Variants in WDR53 observed in about 807,000 individuals in gnomAD.
WDR53 encodes WD repeat domain 53.
In WDR53, 19 loss-of-function variants were observed where a neutral mutation model predicts 21.3. That is an observed-to-expected ratio of 0.89 (90% CI 0.62 to 1.31). The LOEUF (loss-of-function observed/expected upper bound fraction) is 1.31. Among genes scored for constraint, WDR53 ranks in the 50% most tolerant of loss-of-function variants. WDR53 has a pLI of 0.00. For missense variants in WDR53, 374 were observed against 423.2 expected, an observed-to-expected ratio of 0.88 and a Z score of 1.02; for synonymous variants, 157 against 163.4, an observed-to-expected ratio of 0.96 and a Z score of 0.30.
At chr3:196,561,868 A>C (rs1046453438) in intron 2 of WDR53, among the ~76,000 whole-genome samples, 7 of 152,208 alleles carry the variant, frequency 4.6e-5, no homozygotes, top group African/African-American at 1.7e-4. Flanking sequence ...ATAATGTTTT[A>C]GATGGTGAGC....
chr3:196,565,489 T>A (rs2108709164), intron 2 of WDR53, among the ~76,000 whole-genome samples: 1 of 141,240 alleles, frequency 7.1e-6, no homozygotes, highest in Admixed American at 7.7e-5. Flanking sequence ...GGCTTGAACC[T>A]GGGAGGTGGA....
Position 196,567,082 on chromosome 3 carries a change from G to C in WDR53, c.-222C>G. ...CATACCACCACCGTCCCGTTCAAGAGTCTGTGCCTCTAAGGCTGTTCATTC... is the reference window on the plus strand; with the variant it reads ...CATACCACCACCGTCCCGTTCAAGACTCTGTGCCTCTAAGGCTGTTCATTC... On this transcript the variant is annotated 5_prime_UTR_variant, in exon 2 of 4. Transcript: ENST00000332629. 2.2e-6 allele frequency: 1 copy of C among 452,680 alleles called. No homozygotes were observed. The highest frequency in any genetic ancestry group is 4.4e-6 in the Non-Finnish European group (1 of 224,830). 28.0% of individuals were successfully genotyped at this position (452,680 alleles called of 1,614,324 possible).
rs935688698 is a variant in WDR53 at position 196,560,868 on chromosome 3, T to C, written c.480+128A>G. On this transcript the variant is annotated intron_variant, in intron 3 of 3. Coordinates refer to ENST00000332629, the MANE Select transcript of WDR53 (RefSeq NM_182627.3). ...CTAGCATTAAATGTAGAAATAAGGCTTATTGTTCATAAATGGATATGTTAG... is the reference window on the plus strand; with the variant it reads ...CTAGCATTAAATGTAGAAATAAGGCCTATTGTTCATAAATGGATATGTTAG... The C allele has an allele frequency of 9.3e-6, 11 of 1,177,412 alleles. No individual in the cohort carries two copies. In the African/African-American group the frequency reaches 1.7e-4, roughly 18 times the overall value. 72.9% of individuals were successfully genotyped at this position (1,177,412 alleles called of 1,614,324 possible).
chr3:196,563,125 T>C (rs1303838863), intron 2 of WDR53, among the ~76,000 whole-genome samples: 1 of 152,230 alleles, frequency 6.6e-6, no homozygotes, highest in Non-Finnish European at 1.5e-5. Context: ...TTATTATTCT[T>C]TGAAGAAACA....
rs1468466876 is a variant in WDR53 at position 196,554,283 on chromosome 3, T to C, written c.1005A>G (p.Ile335Met). The change falls in exon 4 of 4, where the codon ATA becomes ATG. Residue 335 changes from isoleucine (I) to methionine (M), a missense_variant. By Grantham distance (10) the Ile-to-Met change is conservative. Transcript: ENST00000332629. ...CTACTAATATATTTTGGTGTCCCTTTATTTTTGTACCCAAGAGCCAGTTCA... is the reference window on the plus strand; with the variant it reads ...CTACTAATATATTTTGGTGTCCCTTCATTTTTGTACCCAAGAGCCAGTTCA... The part of the protein sequence containing the change: ...EKVNWLLGTK[I>M]KGHQNILVAD... 5.6e-6 allele frequency: 9 copies of C among 1,614,066 alleles called. No homozygotes were observed. The highest frequency in any genetic ancestry group is 1.3e-5 in the African/African-American group (1 of 74,928).
intron 3 of WDR53, among the ~76,000 whole-genome samples, chr3:196,557,418 T>G (rs541180735): frequency 6.6e-6 from 1 of 152,250 alleles, no homozygotes; most frequent in East Asian, 1.9e-4. Flanking sequence ...TGTCGGCTTG[T>G]GCCTGTAGTC....
chr3:196,567,751 T>TTGTGTGTGTGTGTGTGTGTGTGTG (rs3080583), intron 1 of WDR53, among the ~76,000 whole-genome samples: 54 of 143,668 alleles, frequency 3.8e-4, no homozygotes, highest in African/African-American at 1.3e-3. Context: ...GCTGAAATTC[T>TTGTGTGTGTGTGTGTGTGTGTGTG]TGTGTGTGTG....
chr3:196,558,786 A>AATT (rs1734564015), intron 3 of WDR53, among the ~76,000 whole-genome samples: 1 of 152,216 alleles, frequency 6.6e-6, no homozygotes, highest in African/African-American at 2.4e-5. Flanking sequence ...CAACTGTGGA[A>AATT]ATAATTATAG....
intron 2 of WDR53, among the ~76,000 whole-genome samples, chr3:196,566,666 G>C (rs565115889): frequency 2.0e-5 from 3 of 152,028 alleles, no homozygotes; most frequent in Non-Finnish European, 2.9e-5. Flanking sequence ...CGCCCGCTTC[G>C]GCCTCCCAAA....
chr3:196,567,011 G>A lies in WDR53; in HGVS notation c.-151C>T, dbSNP rs2108714961. ...CTCGGCTGCACTGAGACACGATAAA[G>A]GCCAGTCTTTAAAAACTGAGTGATC... On this transcript the variant is annotated 5_prime_UTR_variant, in exon 2 of 4. Coordinates refer to ENST00000332629, the MANE Select transcript of WDR53 (RefSeq NM_182627.3). The A allele has an allele frequency of 5.9e-6, 2 of 339,270 alleles. No homozygotes were observed. Among genetic ancestry groups the A allele is most frequent in the South Asian group, 4.5e-5 (2 of 44,014 alleles). The allele number at this position is 339,270 out of a possible 1,614,324, so 21.0% of individuals were successfully genotyped here. A position where few individuals can be genotyped will look rare whatever the true frequency, so the allele number is the denominator to read the frequency against.
rs374949193 is a variant in WDR53 at position 196,560,944 on chromosome 3, G to A, written c.480+52C>T. ...TTCGTGTGATCAATAATTTGATCCT[G>A]TTAGCAAATCCCACTTAGAAATTCC... On this transcript the variant is annotated intron_variant, in intron 3 of 3. Coordinates refer to ENST00000332629, the MANE Select transcript of WDR53 (RefSeq NM_182627.3). 5.0e-5 allele frequency: 78 copies of A among 1,549,292 alleles called. No individual in the cohort carries two copies. In the Middle Eastern group the frequency reaches 1.7e-3, roughly 35 times the overall value.
intron 3 of WDR53, 106 bp from the exon 4 acceptor site, chr3:196,554,913 A>T: frequency 1.1e-6 from 1 of 882,436 alleles, no homozygotes; most frequent in Non-Finnish European, 1.8e-6. Context: ...TCTGAGAATG[A>T]GCAGTAGTGC....
chr3:196,562,629 C>T (rs1734994345), intron 2 of WDR53, among the ~76,000 whole-genome samples: 2 of 152,198 alleles, frequency 1.3e-5, no homozygotes, highest in South Asian at 4.1e-4. Context: ...CTGTATTAAA[C>T]TAATGACCAC....
chr3:196,556,384 C>T (rs976530670), intron 3 of WDR53, among the ~76,000 whole-genome samples: 24 of 152,062 alleles, frequency 1.6e-4, no homozygotes, highest in African/African-American at 5.8e-4. Flanking sequence ...CGGCTGGGCA[C>T]GGTGGCTCAC....
Position 196,561,101 on chromosome 3 carries a change from GT to G in WDR53, c.374del (p.Asn125ThrfsTer8). The G allele has an allele frequency of 6.2e-7, 1 of 1,614,212 alleles. No individual in the cohort carries two copies. The highest frequency in any genetic ancestry group is 8.5e-7 in the Non-Finnish European group (1 of 1,180,046). ...TCTTCAAGGATCTGATAACTTTCTT[GT>G]TTTCCAAGTCTAGGATTTTGATTGC... ...SGAIKILDLE[N>X]KKVIRSLKRH... On this transcript the variant is annotated frameshift_variant, in exon 3 of 4. Coordinates refer to ENST00000332629, the MANE Select transcript of WDR53 (RefSeq NM_182627.3). LOFTEE classifies it high-confidence loss of function.
rs1206944864 is a variant in WDR53, at chr3:196,561,075, C to G, written c.401G>C (p.Arg134Thr). ...CACTGAGGAGCAGATATTGGAATGT[C>G]TCTTCAAGGATCTGATAACTTTCTT... ...ENKKVIRSLK[R>T]HSNICSSVAF... Residue 134 changes from arginine (R) to threonine (T), a missense_variant, in exon 3 of 4, where the codon AGA (arginine) becomes ACA (threonine). Transcript: ENST00000332629. The G allele has an allele frequency of 1.2e-6, 2 of 1,614,114 alleles. No homozygotes were observed. The highest frequency in any genetic ancestry group is 1.3e-5 in the African/African-American group (1 of 74,938).
chr3:196,565,525 G>A (rs1434160382), intron 2 of WDR53, among the ~76,000 whole-genome samples: 1 of 145,568 alleles, frequency 6.9e-6, no homozygotes, highest in African/African-American at 2.5e-5. Flanking sequence ...CTGAGATTGT[G>A]CCACTGCACT....
intron 3 of WDR53, among the ~76,000 whole-genome samples, chr3:196,556,325 C>T (rs1003544714): frequency 2.6e-5 from 4 of 152,034 alleles, no homozygotes; most frequent in Non-Finnish European, 5.9e-5. Flanking sequence ...TGGGATTACA[C>T]GCATCAGCCA....
chr3:196,559,252 C>A lies in WDR53; in HGVS notation c.480+1744G>T, dbSNP rs553350914. Among the ~76,000 whole-genome samples the A allele has an allele frequency of 4.6e-5, 7 of 152,272 alleles. No homozygotes were observed. The South Asian group carries it at 1.5e-3, about 32-fold the overall frequency. On this transcript the variant is annotated intron_variant, in intron 3 of 3. Transcript: ENST00000332629. ...TTACAACCACAAGGGCAGATTATCA[C>A]CACTAGGGTGGAGAATGTAGGAGAT...
Sources: gnomAD v4.1 joint callset for allele counts (sites outside exome capture counted in the v4.1 genomes callset) on GRCh38, gnomAD v4.1.1 for gene constraint, MANE v1.5 for transcripts, NCBI Gene and HGNC (gene_info 2026-07-23, HGNC 2026-07-21) for gene names.